Variants in FYN observed in about 807,000 individuals in gnomAD.
FYN encodes FYN proto-oncogene, Src family tyrosine kinase, also known as tyrosine-protein kinase Fyn.
Under a neutral mutation model 70.2 loss-of-function variants are expected in FYN, and 10 were observed. The observed-to-expected ratio is 0.14, with a 90% CI of 0.09 to 0.24. The LOEUF (loss-of-function observed/expected upper bound fraction) is 0.24, where lower values mean the gene tolerates loss of function less well. Ranked by LOEUF, FYN falls within the 10% of genes least tolerant of loss-of-function variation. The pLI, the probability that FYN is intolerant of heterozygous loss-of-function variation, is 1.00. For missense variants in FYN, 319 were observed against 673.1 expected (o/e 0.47, Z 5.82); for synonymous variants, 236 against 248.6 (o/e 0.95, Z 0.48).
At chr6:111,745,204 T>G (rs1454536801) in intron 3 of FYN, among the ~76,000 whole-genome samples, 1 of 152,164 alleles carries the variant, frequency 6.6e-6, no homozygotes, top group Non-Finnish European at 1.5e-5. Context: ...CCAAGCAGTG[T>G]GCACAAAATA....
chr6:111,836,484 G>A (rs1773191547), intron 2 of FYN, among the ~76,000 whole-genome samples: 1 of 152,126 alleles, frequency 6.6e-6, no homozygotes, highest in Admixed American at 6.5e-5. Context: ...CAAATGCTAG[G>A]CTGTGCGCGG....
At chr6:111,848,018 A>T (rs1037517184) in intron 1 of FYN, among the ~76,000 whole-genome samples, 1 of 152,242 alleles carries the variant, frequency 6.6e-6, no homozygotes. Flanking sequence ...TGGCTAACCC[A>T]CTAGGGATCT....
At chr6:111,866,162 T>C (rs1457035846) in intron 1 of FYN, among the ~76,000 whole-genome samples, 2 of 152,156 alleles carry the variant, frequency 1.3e-5, no homozygotes, top group Non-Finnish European at 2.9e-5. Flanking sequence ...TGTAGGACAC[T>C]GTTCTGAATA....
intron 12 of FYN, among the ~76,000 whole-genome samples, chr6:111,683,483 T>C (rs748028133): frequency 4.6e-5 from 7 of 151,924 alleles, no homozygotes; most frequent in South Asian, 2.1e-4. Context: ...TAGGCCAAGG[T>C]GGAGAAGGTG....
At chr6:111,796,686 G>A (rs1169670154) in intron 2 of FYN, among the ~76,000 whole-genome samples, 2 of 152,208 alleles carry the variant, frequency 1.3e-5, no homozygotes, top group Non-Finnish European at 2.9e-5. Context: ...TGTTCTGAGA[G>A]CTGGGGATCC....
Position 111,694,895 on chromosome 6 carries a change from C to T in FYN, c.1043-191G>A, listed in dbSNP as rs58876844. Among the ~76,000 whole-genome samples, 156 of 152,222 alleles carry T rather than the reference C, an allele frequency of 1.0e-3. No individual in the cohort carries two copies. Among genetic ancestry groups the T allele is most frequent in the African/African-American group, 3.7e-3 (153 of 41,540 alleles). On this transcript the variant is annotated intron_variant, in intron 10 of 13. Coordinates refer to ENST00000354650, the MANE Select transcript of FYN (RefSeq NM_002037.5). This position sits in a 1 kb window ranked among gnomAD's most constrained non-coding sequence, Gnocchi z 5.0. The stretch of plus-strand genomic sequence containing the variant: ...ATAGGCATGGAGAAGTAACAGTTAC[C>T]TTTTAAAAACAAACAGCATTAATTC...
At chr6:111,844,353 G>A (rs766628202) in intron 2 of FYN, among the ~76,000 whole-genome samples, 5 of 152,130 alleles carry the variant, frequency 3.3e-5, no homozygotes, top group African/African-American at 7.2e-5. Flanking sequence ...TTCTCCACTG[G>A]AGTTGGCCAA....
intron 13 of FYN, among the ~76,000 whole-genome samples, chr6:111,669,454 A>G (rs1280111127): frequency 6.6e-6 from 1 of 151,386 alleles, no homozygotes; most frequent in East Asian, 1.9e-4. Context: ...AAAAAAAAAA[A>G]AAAAAAGAAA....
At chr6:111,783,028 T>C (rs1212943192) in intron 2 of FYN, among the ~76,000 whole-genome samples, 3 of 152,198 alleles carry the variant, frequency 2.0e-5, no homozygotes, top group Non-Finnish European at 2.9e-5. Flanking sequence ...ACATACTTCA[T>C]GCTAAGCACG....
At chr6:111,865,389 C>T (rs1234600524) in intron 1 of FYN, among the ~76,000 whole-genome samples, 1 of 152,230 alleles carries the variant, frequency 6.6e-6, no homozygotes, top group African/African-American at 2.4e-5. Context: ...ATTACAACAA[C>T]TCGGAGTCTT....
intron 13 of FYN, among the ~76,000 whole-genome samples, chr6:111,668,160 C>T (rs1257843238): frequency 2.0e-5 from 3 of 152,240 alleles, no homozygotes; most frequent in Non-Finnish European, 4.4e-5. Flanking sequence ...TGCGCCATCG[C>T]ATGTGCTTGT....
At chr6:111,838,441 A>C (rs1236473060) in intron 2 of FYN, among the ~76,000 whole-genome samples, 1 of 152,226 alleles carries the variant, frequency 6.6e-6, no homozygotes, top group Admixed American at 6.5e-5. Context: ...GCAAGATGGG[A>C]AACCCTGGTC....
At chr6:111,683,842 C>T (rs1798878972) in intron 12 of FYN, among the ~76,000 whole-genome samples, 1 of 152,058 alleles carries the variant, frequency 6.6e-6, no homozygotes, top group African/African-American at 2.4e-5. Context: ...TCAAAGCTGA[C>T]CTGACCTGGA....
chr6:111,774,222 G>GCAATCC (rs2128502938), intron 3 of FYN, among the ~76,000 whole-genome samples: 1 of 152,330 alleles, frequency 6.6e-6, no homozygotes, highest in African/African-American at 2.4e-5. Context: ...GCCTGGGGCA[G>GCAATCC]CAATCGCATG....
intron 3 of FYN, among the ~76,000 whole-genome samples, chr6:111,761,339 G>A (rs575043421): frequency 5.9e-5 from 9 of 152,290 alleles, no homozygotes; most frequent in African/African-American, 2.2e-4. Context: ...TGCAAAGCCT[G>A]TTCTTCCTTC....
chr6:111,841,095 G>A (rs1446120175), intron 2 of FYN, among the ~76,000 whole-genome samples: 6 of 152,140 alleles, frequency 3.9e-5, no homozygotes, highest in South Asian at 2.1e-4. Context: ...AAGAATATAC[G>A]AAATGATCCC....
intron 13 of FYN, among the ~76,000 whole-genome samples, chr6:111,663,490 C>T (rs1470529129): frequency 1.3e-5 from 2 of 152,244 alleles, no homozygotes; most frequent in Admixed American, 1.3e-4. Flanking sequence ...TGTATCCTGG[C>T]TCCTCCTGGC....
chr6:111,715,550 C>A (rs1800596431), intron 4 of FYN, among the ~76,000 whole-genome samples: 1 of 152,154 alleles, frequency 6.6e-6, no homozygotes, highest in Non-Finnish European at 1.5e-5. Context: ...TTCCGTCTTT[C>A]TAGCAGACTC....
intron 3 of FYN, among the ~76,000 whole-genome samples, chr6:111,746,298 C>T (rs1802212571): frequency 6.6e-6 from 1 of 152,182 alleles, no homozygotes; most frequent in African/African-American, 2.4e-5. Context: ...ACATTTTCAT[C>T]ACCCTAGAAA....
Sources: allele counts gnomAD v4.1 joint callset (sites outside exome capture counted in the v4.1 genomes callset), GRCh38; gene constraint gnomAD v4.1.1; non-coding constraint Gnocchi (gnomAD v3.1); transcripts MANE v1.5; gene names NCBI Gene and HGNC (gene_info 2026-07-23, HGNC 2026-07-21).